Variants in STXBP5L observed in about 807,000 individuals in gnomAD.
The protein encoded by STXBP5L is syntaxin binding protein 5L.
STXBP5L carries 65 observed loss-of-function variants against 144.5 expected under a neutral mutation model. The observed-to-expected ratio is 0.45, with a 90% CI of 0.37 to 0.55. The LOEUF (loss-of-function observed/expected upper bound fraction) is 0.55, where lower values mean the gene tolerates loss of function less well. STXBP5L is among the 20% of genes least tolerant of loss of function. The probability of loss-of-function intolerance (pLI) is 0.00; values close to 1 mark genes in which losing one functional copy is unlikely to be tolerated. For synonymous variants in STXBP5L, 505 were observed against 469.6 expected, an observed-to-expected ratio of 1.08 and a Z score of -0.97; for missense variants, 1,298 against 1,405.5, an observed-to-expected ratio of 0.92 and a Z score of 1.22.
chr3:121,315,618 A>G (rs1445391241), intron 19 of STXBP5L, among the ~76,000 whole-genome samples: 1 of 152,080 alleles, frequency 6.6e-6, no homozygotes, highest in East Asian at 1.9e-4. Flanking sequence ...ATGTACCCTA[A>G]AACTTAAAGT....
At chr3:121,245,934 T>C (rs1424031545) in intron 14 of STXBP5L, among the ~76,000 whole-genome samples, 2 of 152,148 alleles carry the variant, frequency 1.3e-5, no homozygotes, top group African/African-American at 2.4e-5. Context: ...TATAGAACAA[T>C]TGGGCCTAAC....
At chr3:121,276,676 T>G (rs184414900) in intron 18 of STXBP5L, among the ~76,000 whole-genome samples, 16 of 152,076 alleles carry the variant, frequency 1.1e-4, no homozygotes, top group South Asian at 2.1e-4. Context: ...CCATCATCTT[T>G]TGGTTTGTAT....
intron 7 of STXBP5L, among the ~76,000 whole-genome samples, chr3:121,146,697 A>G (rs1170857116): frequency 1.3e-5 from 2 of 152,120 alleles, no homozygotes; most frequent in African/African-American, 4.8e-5. Flanking sequence ...AACTATACTA[A>G]TATCAGAGGA....
At chr3:121,075,881 G>A (rs2041999374) in intron 5 of STXBP5L, among the ~76,000 whole-genome samples, 1 of 152,156 alleles carries the variant, frequency 6.6e-6, no homozygotes, top group South Asian at 2.1e-4. Flanking sequence ...TTGTTCTCCA[G>A]CCTCTAGAGA....
chr3:121,099,031 A>G (rs1286946118), intron 5 of STXBP5L: 1 of 152,156 alleles, frequency 6.6e-6, no homozygotes, highest in African/African-American at 2.4e-5. Flanking sequence ...ATCTATATAC[A>G]TTCGTAAGCT....
intron 2 of STXBP5L, among the ~76,000 whole-genome samples, chr3:120,932,701 A>G (rs1710009276): frequency 1.3e-5 from 2 of 152,188 alleles, no homozygotes; most frequent in African/African-American, 4.8e-5. Context: ...TACTGGGTAT[A>G]TGCCCAAAGG....
At chr3:120,953,838 C>T (rs1937719768) in intron 2 of STXBP5L, among the ~76,000 whole-genome samples, 1 of 152,104 alleles carries the variant, frequency 6.6e-6, no homozygotes, top group African/African-American at 2.4e-5. Context: ...ATAGAACCTT[C>T]AGTACAATAT....
chr3:121,066,762 T>C (rs1392164204), intron 5 of STXBP5L, among the ~76,000 whole-genome samples: 1 of 152,164 alleles, frequency 6.6e-6, no homozygotes, highest in Non-Finnish European at 1.5e-5. Flanking sequence ...TCCTTTTTTC[T>C]ATACTCTATA....
intron 3 of STXBP5L, among the ~76,000 whole-genome samples, chr3:121,032,804 A>G (rs1946466672): frequency 1.5e-5 from 1 of 65,938 alleles, no homozygotes; most frequent in South Asian, 5.9e-4. Flanking sequence ...TTATGCAGCC[A>G]AAAAACACAT....
chr3:121,416,393 A>G (rs1269501614), intron 25 of STXBP5L, among the ~76,000 whole-genome samples: 2 of 150,852 alleles, frequency 1.3e-5, no homozygotes, highest in Non-Finnish European at 3.0e-5. Context: ...AGAATAAATT[A>G]CTTTAAAAAT....
intron 20 of STXBP5L, among the ~76,000 whole-genome samples, chr3:121,340,665 C>A (rs1279574658): frequency 6.6e-6 from 1 of 152,070 alleles, no homozygotes; most frequent in South Asian, 2.1e-4. Context: ...ATGAACTCAT[C>A]CTTTTTATGG....
intron 9 of STXBP5L, among the ~76,000 whole-genome samples, chr3:121,205,229 C>G (rs535567595): frequency 6.6e-6 from 1 of 152,212 alleles, no homozygotes; most frequent in African/African-American, 2.4e-5. Context: ...GTTTATTTGG[C>G]TTATGATTCT....
chr3:121,338,505 G>A (rs192985808), intron 20 of STXBP5L, among the ~76,000 whole-genome samples: 4,094 of 149,884 alleles, frequency 0.027, 59 homozygotes, highest in South Asian at 0.039. Context: ...TTAGCTGGGG[G>A]TGGTGGTGCC....
At chr3:121,285,927 G>T (rs1348739970) in intron 19 of STXBP5L, among the ~76,000 whole-genome samples, 1 of 151,984 alleles carries the variant, frequency 6.6e-6, no homozygotes, top group Non-Finnish European at 1.5e-5. Flanking sequence ...CCACAGAGAG[G>T]TTAAATAACT....
intron 2 of STXBP5L, among the ~76,000 whole-genome samples, chr3:120,936,121 G>T (rs1316081056): frequency 6.6e-6 from 1 of 151,934 alleles, no homozygotes; most frequent in Non-Finnish European, 1.5e-5. Flanking sequence ...TCTTTCTTCA[G>T]CCATTTCCAG....
At chr3:121,392,361 A>G (rs1385994364) in intron 22 of STXBP5L, among the ~76,000 whole-genome samples, 1 of 152,118 alleles carries the variant, frequency 6.6e-6, no homozygotes, top group East Asian at 1.9e-4. Flanking sequence ...CTTCCCAGGT[A>G]AGGTGACAAT....
intron 3 of STXBP5L, among the ~76,000 whole-genome samples, chr3:120,987,447 A>G (rs370540196): frequency 6.6e-6 from 1 of 151,776 alleles, no homozygotes; most frequent in African/African-American, 2.4e-5. Flanking sequence ...TTTTTTGCCC[A>G]TTTTATATTT....
intron 12 of STXBP5L, among the ~76,000 whole-genome samples, chr3:121,235,297 T>C (rs546264031): frequency 6.6e-6 from 1 of 152,206 alleles, no homozygotes; most frequent in South Asian, 2.1e-4. Flanking sequence ...AGTTGTAACT[T>C]TGGAATCTCT....
At chr3:121,303,204 A>G (rs150457240) in intron 19 of STXBP5L, among the ~76,000 whole-genome samples, 2,933 of 152,312 alleles carry the variant, frequency 0.019, 88 homozygotes, top group African/African-American at 0.066. Context: ...AACCCCATCA[A>G]CAAGTGGGCA....
Sources: gnomAD v4.1 joint callset for allele counts (sites outside exome capture counted in the v4.1 genomes callset) on GRCh38, gnomAD v4.1.1 for gene constraint, MANE v1.5 for transcripts, NCBI Gene and HGNC (gene_info 2026-07-23, HGNC 2026-07-21) for gene names.